Variants in PPM1D observed in about 807,000 individuals in gnomAD.
PPM1D encodes the protein protein phosphatase, Mg2+/Mn2+ dependent 1D, also known as protein phosphatase 1D.
A neutral mutation model predicts 58.3 loss-of-function variants in PPM1D; 52 were observed. That is an observed-to-expected ratio of 0.89 (90% CI 0.71 to 1.12). PPM1D has a LOEUF of 1.12. Ranked by LOEUF, PPM1D falls within the 50% of genes most tolerant of loss-of-function variation. The pLI, the probability that PPM1D is intolerant of heterozygous loss-of-function variation, is 0.00. For synonymous variants in PPM1D, 278 were observed against 285.1 expected (o/e 0.98, Z 0.25); for missense variants, 564 against 777.2 (o/e 0.73, Z 3.26).
At chr17:60,612,626 A>G (rs2030482186) in intron 1 of PPM1D, among the ~76,000 whole-genome samples, 1 of 152,188 alleles carries the variant, frequency 6.6e-6, no homozygotes, top group East Asian at 1.9e-4. Context: ...TTATTCTTGC[A>G]AAAAAGGAAA....
intron 5 of PPM1D, among the ~76,000 whole-genome samples, chr17:60,660,918 A>AAGTTGTATATTCAGGCTGGGCGC (rs2031514545): frequency 1.3e-5 from 2 of 152,168 alleles, no homozygotes; most frequent in Non-Finnish European, 2.9e-5. Flanking sequence ...ACTTCTAAGA[A>AAGTTGTATATTCAGGCTGGGCGC]AGTTGTATAT....
At position 60,648,132 on chromosome 17, in the gene PPM1D, T is replaced by C. The variant is rs375142925; in HGVS notation, c.1017+50T>C. ...TATTGTTGTCTAAACATTGTTTTGGTACTTCTGTCAGAATCTTGAATATGA... is the reference window on the plus strand; with the variant it reads ...TATTGTTGTCTAAACATTGTTTTGGCACTTCTGTCAGAATCTTGAATATGA... On this transcript the variant is annotated intron_variant, in intron 4 of 5. Transcript: ENST00000305921. 3 of 1,547,898 alleles carry C rather than the reference T, an allele frequency of 1.9e-6. No individual in the cohort carries two copies. The African/African-American group carries it at 4.1e-5, about 21-fold the overall frequency.
At chr17:60,646,048 G>C (rs2031245852) in intron 3 of PPM1D, among the ~76,000 whole-genome samples, 1 of 152,084 alleles carries the variant, frequency 6.6e-6, no homozygotes, top group South Asian at 2.1e-4. Flanking sequence ...GTTGACGTAG[G>C]AGGATCACTT....
In PPM1D at chr17:60,600,513, G is replaced by A. The variant is rs1312084710; in HGVS notation, c.99G>A (p.Pro33=). Residue 33 remains proline (P), a synonymous_variant, in exon 1 of 6, where the codon CCG becomes CCA. Coordinates refer to ENST00000305921, the MANE Select transcript of PPM1D (RefSeq NM_003620.4). ...DVTQIVVEPE[P]TAEEKPSPRR... ...CTCAAATCGTTGTGGAGCCCGAACC[G>A]ACGGCTGAAGAAAAGCCCTCGCCGC... 6 of 1,565,764 alleles carry A rather than the reference G, an allele frequency of 3.8e-6. No homozygotes were observed. The highest frequency in any genetic ancestry group is 3.5e-5 in the South Asian group (3 of 85,166).
Position 60,600,379 on chromosome 17 carries a change from G to A in PPM1D, c.-36G>A, listed in dbSNP as rs1024964540. On this transcript the variant is annotated 5_prime_UTR_variant, in exon 1 of 6. Coordinates refer to ENST00000305921, the MANE Select transcript of PPM1D (RefSeq NM_003620.4). Reference sequence around the variant, plus strand: ...TGTCTCCCGCCGCCGGATTCGGCGGGCTGCGTGGGACCGGCGGGATCCCGG... The same window carrying A: ...TGTCTCCCGCCGCCGGATTCGGCGGACTGCGTGGGACCGGCGGGATCCCGG... 2.6e-6 allele frequency: 4 copies of A among 1,540,718 alleles called. No individual in the cohort carries two copies. The East Asian group carries it at 1.0e-4, about 39-fold the overall frequency.
intron 1 of PPM1D, among the ~76,000 whole-genome samples, chr17:60,606,538 C>T (rs2030333126): frequency 6.6e-6 from 1 of 152,036 alleles, no homozygotes; most frequent in Non-Finnish European, 1.5e-5. Flanking sequence ...TCAATTTCCC[C>T]ATATTCTAAC....
intron 5 of PPM1D, among the ~76,000 whole-genome samples, chr17:60,658,417 G>T (rs1367024432): frequency 1.3e-5 from 2 of 151,968 alleles, no homozygotes; most frequent in African/African-American, 4.8e-5. Flanking sequence ...GGGAGGCTGA[G>T]TTGGGCAGAT....
intron 3 of PPM1D, among the ~76,000 whole-genome samples, chr17:60,645,172 G>C (rs1243041327): frequency 2.6e-5 from 4 of 152,108 alleles, no homozygotes; most frequent in Admixed American, 2.0e-4. Context: ...TAGCCAACAT[G>C]ATGAAACCTC....
chr17:60,658,323 G>T (rs2031474305), intron 5 of PPM1D, among the ~76,000 whole-genome samples: 1 of 152,140 alleles, frequency 6.6e-6, no homozygotes, highest in African/African-American at 2.4e-5. Flanking sequence ...CTGCTGACTG[G>T]CATTAGTAAA....
Position 60,644,293 on chromosome 17 carries a change from A to C in PPM1D, c.827-3599A>C, listed in dbSNP as rs566028785. ...GACTAAAAAATGACAAATGCAATTA[A>C]CTTTTTAAAAAGTTTTTTTAAAAAT... On this transcript the variant is annotated intron_variant, in intron 3 of 5. Transcript: ENST00000305921. Among the ~76,000 whole-genome samples the C allele has an allele frequency of 3.9e-5, 6 of 152,014 alleles. No homozygotes were observed. In the South Asian group the frequency reaches 1.2e-3, roughly 32 times the overall value.
At chr17:60,627,163 G>A (rs2030827157) in intron 2 of PPM1D, among the ~76,000 whole-genome samples, 1 of 152,074 alleles carries the variant, frequency 6.6e-6, no homozygotes, top group Non-Finnish European at 1.5e-5. Context: ...CAACTTTTTG[G>A]GTTTTATGCC....
chr17:60,653,735 A>G lies in PPM1D; in HGVS notation c.1018-2864A>G, dbSNP rs565708562. On this transcript the variant is annotated intron_variant, in intron 4 of 5. Coordinates refer to ENST00000305921, the MANE Select transcript of PPM1D (RefSeq NM_003620.4). Reference sequence around the variant, plus strand: ...TCAGTATTTTCTAGTTTTCCTTTATAGATCTTTCACATCTTTGGTTAAATT... The same window carrying G: ...TCAGTATTTTCTAGTTTTCCTTTATGGATCTTTCACATCTTTGGTTAAATT... Among the ~76,000 whole-genome samples, 9 of 152,266 alleles carry G rather than the reference A, an allele frequency of 5.9e-5. No individual in the cohort carries two copies. In the South Asian group the frequency reaches 1.4e-3, roughly 25 times the overall value.
intron 1 of PPM1D, chr17:60,604,870 G>A (rs1207557563): frequency 6.6e-6 from 1 of 152,236 alleles, no homozygotes; most frequent in East Asian, 1.9e-4. Flanking sequence ...CCAGGCTGGA[G>A]TGCTGTGGCA....
intron 3 of PPM1D, among the ~76,000 whole-genome samples, chr17:60,642,402 T>C (rs2031153365): frequency 1.4e-5 from 2 of 146,212 alleles, no homozygotes; most frequent in Admixed American, 7.0e-5. Flanking sequence ...AATTGGGCAA[T>C]GAACGATTTG....
At chr17:60,623,809 C>A in intron 2 of PPM1D, 60 bp downstream of exon 2, 2 of 1,510,096 alleles carry the variant, frequency 1.3e-6, no homozygotes, top group Admixed American at 1.9e-5. Flanking sequence ...TTATGCTTTA[C>A]TAATGAAATT....
chr17:60,643,668 C>G (rs1483541254), intron 3 of PPM1D, among the ~76,000 whole-genome samples: 1 of 151,972 alleles, frequency 6.6e-6, no homozygotes, highest in Non-Finnish European at 1.5e-5. Flanking sequence ...AGCACTTTAA[C>G]CAAATGATGA....
chr17:60,636,164 C>T (rs1234582587), intron 3 of PPM1D, among the ~76,000 whole-genome samples: 2 of 152,228 alleles, frequency 1.3e-5, no homozygotes, highest in African/African-American at 4.8e-5. Context: ...GACATTTTGA[C>T]TTCTACCTTG....
At chr17:60,614,043 C>T (rs987408266) in intron 1 of PPM1D, among the ~76,000 whole-genome samples, 1 of 57,286 alleles carries the variant, frequency 1.7e-5, no homozygotes, top group Non-Finnish European at 7.3e-5. Context: ...CCGGGACTGG[C>T]AGGCAGCTCC....
intron 4 of PPM1D, among the ~76,000 whole-genome samples, chr17:60,651,120 G>T (rs894608926): frequency 2.0e-5 from 3 of 152,156 alleles, no homozygotes; most frequent in African/African-American, 7.2e-5. Context: ...TGAGCTGAGG[G>T]AAAAATATAC....
Sources: allele counts gnomAD v4.1 joint callset (sites outside exome capture counted in the v4.1 genomes callset), GRCh38; gene constraint gnomAD v4.1.1; transcripts MANE v1.5; gene names NCBI Gene and HGNC (gene_info 2026-07-23, HGNC 2026-07-21).